Variants in SYNE3 observed in about 807,000 individuals in gnomAD.
SYNE3 encodes the protein nesprin-3.
In SYNE3, 100 loss-of-function variants were observed where a neutral mutation model predicts 111.2. That is an observed-to-expected ratio of 0.90 (90% CI 0.77 to 1.06). The LOEUF is 1.06. SYNE3 is among the 50% of genes least tolerant of loss of function. The pLI is 0.00. For missense variants in SYNE3, 1,160 were observed against 1,240.3 expected, an observed-to-expected ratio of 0.94 and a Z score of 0.97; for synonymous variants, 547 against 533.9, an observed-to-expected ratio of 1.02 and a Z score of -0.34.
At chr14:95,448,831 T>C (rs1054866641) in intron 8 of SYNE3, among the ~76,000 whole-genome samples, 4 of 152,228 alleles carry the variant, frequency 2.6e-5, no homozygotes, top group African/African-American at 9.6e-5. Flanking sequence ...CCCTGGTTAT[T>C]GGTTCTCCTC....
intron 16 of SYNE3, among the ~76,000 whole-genome samples, 178 bp from the exon 17 acceptor site, chr14:95,432,295 A>G (rs186810377): frequency 1.3e-5 from 2 of 152,340 alleles, no homozygotes; most frequent in Admixed American, 1.3e-4. Context: ...GAGCTTTTTA[A>G]CACACTTCAG....
In SYNE3 at chr14:95,475,739, T is replaced by C. The variant is rs768401669; in HGVS notation, c.83A>G (p.Gln28Arg). 5 of 1,607,870 alleles carry C rather than the reference T, an allele frequency of 3.1e-6. No homozygotes were observed. The change falls in exon 2 of 18, where the codon CAG (glutamine) becomes CGG (arginine). Residue 28 changes from glutamine to arginine, a missense_variant. Transcript: ENST00000682763. ...AWMKAVQDQL[Q>R]VNDNTQGPRA... ...GGGTCCCTGCGTGTTGTCATTGACC[T>C]GCAGCTGGTCCTGCACAGCCTTCAT...
chr14:95,501,995 G>A (rs1046638816), intron 1 of SYNE3, among the ~76,000 whole-genome samples: 5 of 152,216 alleles, frequency 3.3e-5, no homozygotes, highest in East Asian at 1.9e-4. Flanking sequence ...CTAGTCTGAG[G>A]GTGCACTAAG....
intron 1 of SYNE3, among the ~76,000 whole-genome samples, chr14:95,512,931 A>G: frequency 6.6e-6 from 1 of 152,218 alleles, no homozygotes; most frequent in Non-Finnish European, 1.5e-5. Context: ...CTGAAGAAAC[A>G]GAACATAATG....
At chr14:95,488,637 G>A (rs1333532224) in intron 1 of SYNE3, among the ~76,000 whole-genome samples, 1 of 145,042 alleles carries the variant, frequency 6.9e-6, no homozygotes, top group Admixed American at 7.0e-5. Context: ...AGATGAGCCT[G>A]GGCAACACAT....
rs1889518730 is a variant in SYNE3 at position 95,485,819 on chromosome 14, C to T, written c.-14-9984G>A. Among the ~76,000 whole-genome samples the T allele has an allele frequency of 6.6e-6, 1 of 152,190 alleles. No homozygotes were observed. Among genetic ancestry groups the T allele is most frequent in the Admixed American group, 6.5e-5 (1 of 15,288 alleles). ...TATAAATATCTGTCCCCTCATCTCTCCTGCTCCTCACTTCACCTCCTTCGT... is the reference window on the plus strand; with the variant it reads ...TATAAATATCTGTCCCCTCATCTCTTCTGCTCCTCACTTCACCTCCTTCGT... On this transcript the variant is annotated intron_variant, in intron 1 of 17. Coordinates refer to ENST00000682763, the MANE Select transcript of SYNE3 (RefSeq NM_152592.6). This position sits in a 1 kb window ranked among gnomAD's most constrained non-coding sequence, Gnocchi z 4.3.
intron 1 of SYNE3, 64 bp from the exon 2 acceptor site, chr14:95,475,899 G>C: frequency 1.5e-6 from 2 of 1,349,522 alleles, no homozygotes; most frequent in East Asian, 2.8e-5. Context: ...AAAGACCCCC[G>C]GCAGGACACC....
rs1566950169 is a variant in SYNE3, at chr14:95,414,201, G to T, written c.*3625C>A. 6.6e-6 allele frequency: 1 copy of T among 152,190 alleles called. No individual in the cohort carries two copies. Among genetic ancestry groups the T allele is most frequent in the Admixed American group, 6.5e-5 (1 of 15,282 alleles). 9.4% of individuals were successfully genotyped at this position (152,190 alleles called of 1,614,324 possible). ...AAGCCCCCCTCCAGCCTGGGCTTTG[G>T]GGTCCTCATTGCCCCATGTTGTGGG... On this transcript the variant is annotated 3_prime_UTR_variant, in exon 18 of 18. Coordinates refer to ENST00000682763, the MANE Select transcript of SYNE3 (RefSeq NM_152592.6).
At chr14:95,425,524 C>T (rs1885382935) in intron 17 of SYNE3, among the ~76,000 whole-genome samples, 1 of 152,196 alleles carries the variant, frequency 6.6e-6, no homozygotes, top group South Asian at 2.1e-4. Context: ...GTGGTGGCTA[C>T]TGGTCATTAG....
At chr14:95,501,705 G>GCCT (rs1890341536) in intron 1 of SYNE3, among the ~76,000 whole-genome samples, 1 of 151,020 alleles carries the variant, frequency 6.6e-6, no homozygotes, top group Admixed American at 6.6e-5. Flanking sequence ...GGAGGAGGTG[G>GCCT]CCACAGGAGG....
Position 95,452,727 on chromosome 14 carries a change from G to A in SYNE3, c.1138-344C>T, listed in dbSNP as rs559471774. 3.3e-5 allele frequency among the ~76,000 whole-genome samples: 5 copies of A among 152,306 alleles called. No individual in the cohort carries two copies. The East Asian group carries it at 9.7e-4, about 29-fold the overall frequency. On this transcript the variant is annotated intron_variant, in intron 6 of 17. Coordinates refer to ENST00000682763, the MANE Select transcript of SYNE3 (RefSeq NM_152592.6). ...GCTGAGCGCCCTGGGTGTCCCATTC[G>A]TTTAAGCCTCACAACAGTCCTGAAA... is the stretch of plus-strand genomic sequence containing the variant.
intron 6 of SYNE3, among the ~76,000 whole-genome samples, chr14:95,452,770 C>G (rs1450877001): frequency 6.6e-6 from 1 of 152,176 alleles, no homozygotes; most frequent in Non-Finnish European, 1.5e-5. Flanking sequence ...CTCCGTGTCC[C>G]AATGTTATTT....
At chr14:95,447,863 A>G (rs749539055) in intron 8 of SYNE3, among the ~76,000 whole-genome samples, 1 of 152,216 alleles carries the variant, frequency 6.6e-6, no homozygotes, top group Non-Finnish European at 1.5e-5. Context: ...CTGATCCCTC[A>G]TCTGCAAAAT....
chr14:95,418,162 C>T lies in SYNE3; in HGVS notation c.2728-136G>A. ...ATGACAGTACACATCTCCAGGTTCT[C>T]ATCTGTGAAACAGGGCTAATGTAAG... is the stretch of plus-strand genomic sequence containing the variant. On this transcript the variant is annotated intron_variant, in intron 17 of 17. Transcript: ENST00000682763. The T allele has an allele frequency of 7.8e-6, 7 of 899,432 alleles. 1 individual carries two copies. The highest frequency in any genetic ancestry group is 6.0e-5 in the South Asian group (4 of 66,572). 55.7% of individuals were successfully genotyped at this position (899,432 alleles called of 1,614,324 possible).
intron 17 of SYNE3, among the ~76,000 whole-genome samples, chr14:95,425,627 T>C (rs1418006482): frequency 6.6e-6 from 1 of 152,222 alleles, no homozygotes; most frequent in Non-Finnish European, 1.5e-5. Context: ...AACTGGTTCA[T>C]CAGCCTTAGC....
intron 17 of SYNE3, among the ~76,000 whole-genome samples, chr14:95,424,424 T>C (rs1452736021): frequency 6.6e-6 from 1 of 152,134 alleles, no homozygotes; most frequent in East Asian, 1.9e-4. Context: ...GGACAGGTCC[T>C]GGAGAACCTG....
In SYNE3 at chr14:95,452,403, C is replaced by T. The variant is rs772353912; in HGVS notation, c.1138-20G>A. 5.0e-6 allele frequency: 8 copies of T among 1,594,444 alleles called. No individual in the cohort carries two copies. The highest frequency in any genetic ancestry group is 1.7e-4 in the Middle Eastern group (1 of 5,982). On this transcript the variant is annotated intron_variant, in intron 6 of 17. Transcript: ENST00000682763. ...TGTTGCCTGCAGCACATGACGACACCGCAGCGGGAGGTGAGGCTCCTCAAC... is the reference window on the plus strand; with the variant it reads ...TGTTGCCTGCAGCACATGACGACACTGCAGCGGGAGGTGAGGCTCCTCAAC...
Position 95,433,242 on chromosome 14 carries a change from C to A in SYNE3, c.2688+18G>T. 1 of 1,610,772 alleles carries A rather than the reference C, an allele frequency of 6.2e-7. No individual in the cohort carries two copies. The highest frequency in any genetic ancestry group is 1.1e-5 in the South Asian group (1 of 90,678). On this transcript the variant is annotated intron_variant, in intron 16 of 17. Transcript: ENST00000682763. Reference sequence around the variant, plus strand: ...TCCTGTCCCTGGAATCTGGGACCTGCACATCCTTGGCACCTACCAGCAGGT... The same window carrying A: ...TCCTGTCCCTGGAATCTGGGACCTGAACATCCTTGGCACCTACCAGCAGGT...
chr14:95,494,738 A>T (rs112193335), intron 1 of SYNE3, among the ~76,000 whole-genome samples: 1,956 of 152,316 alleles, frequency 0.013, 25 homozygotes, highest in Non-Finnish European at 0.021. Flanking sequence ...AGGGCACCTT[A>T]AGTCACATGC....
Sources: gnomAD v4.1 joint callset for allele counts (sites outside exome capture counted in the v4.1 genomes callset) on GRCh38, gnomAD v4.1.1 for gene constraint, Gnocchi (gnomAD v3.1) non-coding constraint, MANE v1.5 for transcripts, NCBI Gene and HGNC (gene_info 2026-07-23, HGNC 2026-07-21) for gene names.